Variants in RANBP17 observed in about 807,000 individuals in gnomAD.
The protein encoded by RANBP17 is ran-binding protein 17.
In RANBP17, 158 loss-of-function variants were observed where a neutral mutation model predicts 141.2. The observed-to-expected ratio is 1.12, with a 90% confidence interval of 0.98 to 1.28. The LOEUF (loss-of-function observed/expected upper bound fraction) is 1.28, where lower values mean the gene tolerates loss of function less well. Among genes scored for constraint, RANBP17 ranks in the 50% most tolerant of loss-of-function variants. The probability of loss-of-function intolerance (pLI) is 0.00; values close to 1 mark genes in which losing one functional copy is unlikely to be tolerated. For missense variants in RANBP17, 1,438 were observed against 1,290.7 expected (o/e 1.11, Z -1.75); for synonymous variants, 430 against 450.0 (o/e 0.96, Z 0.56).
At chr5:170,901,302 G>A (rs1770616391) in intron 5 of RANBP17, among the ~76,000 whole-genome samples, 1 of 152,114 alleles carries the variant, frequency 6.6e-6, no homozygotes, top group African/African-American at 2.4e-5. Context: ...TTGGTTTAAA[G>A]TCTGTTTTAT....
At chr5:171,226,880 TG>T in intron 22 of RANBP17, among the ~76,000 whole-genome samples, 1 of 152,352 alleles carries the variant, frequency 6.6e-6, no homozygotes, top group Middle Eastern at 3.4e-3. Context: ...GCAGATACTG[TG>T]TTTTTTATAA....
intron 14 of RANBP17, among the ~76,000 whole-genome samples, chr5:171,060,408 C>T (rs1382752556): frequency 1.3e-5 from 2 of 151,924 alleles, no homozygotes; most frequent in African/African-American, 4.8e-5. Flanking sequence ...TTTTTTGCAT[C>T]TATTGAGATA....
intron 16 of RANBP17, among the ~76,000 whole-genome samples, chr5:171,182,471 C>T (rs1028443175): frequency 5.3e-5 from 8 of 152,210 alleles, no homozygotes; most frequent in African/African-American, 1.7e-4. Flanking sequence ...GTTCAAATCT[C>T]AGCACTGTCA....
intron 12 of RANBP17, among the ~76,000 whole-genome samples, chr5:170,945,926 C>T (rs1774718560): frequency 1.3e-5 from 2 of 152,158 alleles, no homozygotes; most frequent in East Asian, 1.9e-4. Flanking sequence ...GGTTAGGACT[C>T]ATAATGTGTT....
intron 14 of RANBP17, among the ~76,000 whole-genome samples, chr5:170,977,962 G>T (rs10039460): frequency 5.9e-5 from 9 of 151,902 alleles, no homozygotes; most frequent in Admixed American, 2.6e-4. Context: ...AATTGTGCAC[G>T]TTAAGTGTGT....
At chr5:170,972,463 C>T (rs752486337) in intron 14 of RANBP17, among the ~76,000 whole-genome samples, 3 of 152,082 alleles carry the variant, frequency 2.0e-5, no homozygotes, top group African/African-American at 4.8e-5. Context: ...CAATTACAGG[C>T]GTGAGCCACC....
At chr5:171,215,824 G>A (rs1763180778) in intron 21 of RANBP17, among the ~76,000 whole-genome samples, 1 of 151,832 alleles carries the variant, frequency 6.6e-6, no homozygotes, top group African/African-American at 2.4e-5. Flanking sequence ...CAGATGAGTA[G>A]CTTGCAAAAA....
In RANBP17 at chr5:171,205,531, T is replaced by C. The variant is rs1762528138; in HGVS notation, c.2150T>C (p.Leu717Ser). ...NFKQEDVKRM[L>S]IGLARDLRGI... is the part of the protein sequence containing the mutation. ...TCTCTTTCCCACTGACAGCGTATGT[T>C]GATCGGGCTGGCAAGAGATCTTCGA... Residue 717 changes from leucine to serine, a missense_variant, in exon 20 of 28, where the codon TTG (leucine) becomes TCG (serine). Leu to Ser is a moderately radical substitution (Grantham distance 145). Transcript: ENST00000523189. 1.9e-6 allele frequency: 3 copies of C among 1,613,676 alleles called. No homozygotes were observed. Among genetic ancestry groups the C allele is most frequent in the Non-Finnish European group, 2.5e-6 (3 of 1,179,752 alleles).
At chr5:171,215,323 G>A (rs947400784) in intron 21 of RANBP17, among the ~76,000 whole-genome samples, 21 of 152,098 alleles carry the variant, frequency 1.4e-4, no homozygotes, top group African/African-American at 4.8e-4. Context: ...CATTTGGGTT[G>A]GTTCCAATCT....
chr5:171,291,971 A>T (rs1247096109), intron 25 of RANBP17, among the ~76,000 whole-genome samples: 1 of 152,226 alleles, frequency 6.6e-6, no homozygotes, highest in East Asian at 1.9e-4. Context: ...TCACTTCAAG[A>T]TGCTTTTTCA....
chr5:171,239,516 A>C (rs1413538839), intron 22 of RANBP17, among the ~76,000 whole-genome samples: 2 of 152,200 alleles, frequency 1.3e-5, no homozygotes, highest in Non-Finnish European at 2.9e-5. Context: ...AATCTTAGGC[A>C]AAGATGGGGA....
At chr5:171,093,930 T>G (rs1341655305) in intron 14 of RANBP17, among the ~76,000 whole-genome samples, 1 of 151,702 alleles carries the variant, frequency 6.6e-6, no homozygotes, top group East Asian at 2.0e-4. Context: ...TGGCTCCTGG[T>G]AAGTTGCCCC....
chr5:170,882,532 G>A (rs909625102), intron 3 of RANBP17, among the ~76,000 whole-genome samples: 15 of 150,130 alleles, frequency 1.0e-4, no homozygotes, highest in African/African-American at 3.4e-4. Context: ...GCTCTGTCAC[G>A]TGCCCGAGAT....
intron 24 of RANBP17, among the ~76,000 whole-genome samples, chr5:171,254,071 C>T (rs1161363120): frequency 1.3e-5 from 2 of 151,934 alleles, no homozygotes; most frequent in Non-Finnish European, 2.9e-5. Flanking sequence ...CACGGTGAAA[C>T]CCAGTCTCTA....
chr5:171,299,568 G>A lies in RANBP17; in HGVS notation c.*710G>A. ...CTTCAGGAGGAGTCATGTAGCCCCA[G>A]TCAGAAGTTCTGGGTGGTGCCAGCA... On this transcript the variant is annotated 3_prime_UTR_variant, in exon 28 of 28. Transcript: ENST00000523189. 4.3e-6 allele frequency: 1 copy of A among 232,370 alleles called. No homozygotes were observed. The highest frequency in any genetic ancestry group is 8.5e-6 in the Non-Finnish European group (1 of 117,278). The allele number at this position is 232,370 out of a possible 1,614,324, so 14.4% of individuals were successfully genotyped here.
At chr5:171,089,925 C>G (rs566859406) in intron 14 of RANBP17, among the ~76,000 whole-genome samples, 10 of 152,342 alleles carry the variant, frequency 6.6e-5, no homozygotes, top group African/African-American at 2.2e-4. Context: ...TCTTCTGCGT[C>G]GCTCACACTG....
chr5:171,078,004 C>T (rs960205309), intron 14 of RANBP17, among the ~76,000 whole-genome samples: 1 of 152,096 alleles, frequency 6.6e-6, no homozygotes, highest in African/African-American at 2.4e-5. Context: ...AAGCCATCTC[C>T]GTAACATAAA....
Position 170,996,347 on chromosome 5 carries a change from A to C in RANBP17, c.1710+27970A>C, listed in dbSNP as rs1437343829. On this transcript the variant is annotated intron_variant, in intron 14 of 27. Transcript: ENST00000523189. ...GAGGAATGGAAAATTTTTTAATGGA[A>C]ATTTGACTTGGAGTGATTGTCATAA... Among the ~76,000 whole-genome samples the C allele has an allele frequency of 8.7e-4, 133 of 152,280 alleles. 1 individual carries two copies. The highest frequency in any genetic ancestry group is 2.2e-4 in the Non-Finnish European group (15 of 68,022).
chr5:170,911,150 G>A lies in RANBP17; in HGVS notation c.760+16G>A, dbSNP rs1364982858. 3.1e-6 allele frequency: 5 copies of A among 1,607,878 alleles called. No individual in the cohort carries two copies. Among genetic ancestry groups the A allele is most frequent in the African/African-American group, 2.7e-5 (2 of 74,610 alleles). Reference sequence around the variant, plus strand: ...TGGAGAACAAGTAAGAAAAAACTTTGGTATGAAGGGTCATCAACATAAAGG... The same window carrying A: ...TGGAGAACAAGTAAGAAAAAACTTTAGTATGAAGGGTCATCAACATAAAGG... On this transcript the variant is annotated intron_variant, in intron 7 of 27. Transcript: ENST00000523189.
Sources: gnomAD v4.1 joint callset for allele counts (sites outside exome capture counted in the v4.1 genomes callset) on GRCh38, gnomAD v4.1.1 for gene constraint, MANE v1.5 for transcripts, NCBI Gene and HGNC (gene_info 2026-07-23, HGNC 2026-07-21) for gene names.